The following KDM4B variants were observed in gnomAD, a reference collection of about 807,000 sequenced individuals.
KDM4B encodes lysine demethylase 4B, also known as lysine-specific demethylase 4B.
In KDM4B, 32 loss-of-function variants were observed where a neutral mutation model predicts 125.2. The observed-to-expected ratio is 0.26, with a 90% CI of 0.19 to 0.34. The LOEUF (loss-of-function observed/expected upper bound fraction) is 0.34, where lower values mean the gene tolerates loss of function less well. Among genes scored for constraint, KDM4B ranks in the 10% least tolerant of loss-of-function variants. KDM4B has a pLI of 1.00. For missense variants in KDM4B, 1,190 were observed against 1,577.7 expected (o/e 0.75, Z 4.16); for synonymous variants, 721 against 677.9 (o/e 1.06, Z -0.99).
Position 5,134,112 on chromosome 19 carries a change from G to C in KDM4B, c.2085+51G>C, listed in dbSNP as rs1462871437. 1.0e-5 allele frequency: 16 copies of C among 1,528,248 alleles called. No individual in the cohort carries two copies. In the Admixed American group the frequency reaches 2.2e-4, roughly 21 times the overall value. 94.7% of individuals were successfully genotyped at this position (1,528,248 alleles called of 1,614,324 possible). ...CAGAGAACCCCAGGCAGGGGCGGTG[G>C]GAGAGGGCGAGGGACCGGGCACCCC... On this transcript the variant is annotated intron_variant, in intron 14 of 22. Coordinates refer to ENST00000159111, the MANE Select transcript of KDM4B (RefSeq NM_015015.3).
chr19:5,090,370 CTCTCTCCCCCCATA>C (rs1280566210), intron 9 of KDM4B, among the ~76,000 whole-genome samples: 2 of 124,766 alleles, frequency 1.6e-5, no homozygotes, highest in Admixed American at 1.5e-4. Flanking sequence ...CTCCTCATCT[CTCTCTCCCCCCATA>C]TCTCTCCCCC....
intron 2 of KDM4B, among the ~76,000 whole-genome samples, chr19:5,020,771 CT>C (rs1205567166): frequency 1.3e-5 from 2 of 152,198 alleles, no homozygotes; most frequent in African/African-American, 4.8e-5. Context: ...GTAACTTTTC[CT>C]GACCTGTAAA....
intron 9 of KDM4B, among the ~76,000 whole-genome samples, chr19:5,101,648 G>A (rs1223368245): frequency 2.7e-5 from 4 of 147,998 alleles, no homozygotes; most frequent in African/African-American, 1.0e-4. Context: ...ACCCGGGGAG[G>A]TCTGGGTGGG....
At chr19:5,146,349 C>T (rs748016045) in intron 21 of KDM4B, among the ~76,000 whole-genome samples, 3 of 152,372 alleles carry the variant, frequency 2.0e-5, no homozygotes, top group Middle Eastern at 3.4e-3. Flanking sequence ...TCACCACTCT[C>T]GGACCTTGCA....
In KDM4B at chr19:5,146,760, C is replaced by G. The variant is rs28477551; in HGVS notation, c.3021+1858C>G. Reference sequence around the variant, plus strand: ...TGGGCAACAAAGTGAGACCCCCCCCCCCCCCACAATCTCTACAAAAAATTT... The same window carrying G: ...TGGGCAACAAAGTGAGACCCCCCCCGCCCCCACAATCTCTACAAAAAATTT... On this transcript the variant is annotated intron_variant, in intron 21 of 22. Coordinates refer to ENST00000159111, the MANE Select transcript of KDM4B (RefSeq NM_015015.3). Among the ~76,000 whole-genome samples, 3 of 102,522 alleles carry G rather than the reference C, an allele frequency of 2.9e-5. No homozygotes were observed. The Admixed American group carries it at 3.2e-4, about 11-fold the overall frequency. 67.3% of individuals were successfully genotyped at this position (102,522 alleles called of 152,430 possible). A position where few individuals can be genotyped will look rare whatever the true frequency, so the allele number is the denominator to read the frequency against.
intron 8 of KDM4B, among the ~76,000 whole-genome samples, chr19:5,080,186 T>C (rs1156350991): frequency 6.6e-6 from 1 of 152,216 alleles, no homozygotes; most frequent in East Asian, 1.9e-4. Context: ...AAGAAAAATA[T>C]CACAGTGTTC....
At chr19:5,111,523 C>G (rs772976480) in intron 10 of KDM4B, 7 of 764,876 alleles carry the variant, frequency 9.2e-6, no homozygotes, top group Non-Finnish European at 1.7e-5. Flanking sequence ...AGGAGGAGAT[C>G]CACTTCATGC....
rs1472841278 is a variant in KDM4B at position 5,035,270 on chromosome 19, C to T, written c.141+2239C>T. Among the ~76,000 whole-genome samples the T allele has an allele frequency of 6.6e-6, 1 of 152,154 alleles. No individual in the cohort carries two copies. Among genetic ancestry groups the T allele is most frequent in the Non-Finnish European group, 1.5e-5 (1 of 68,020 alleles). ...GCACCGCATCTGCCTCTGTCTCCTGCCCTTGACCTACTTCCACATTTCCCA... is the reference window on the plus strand; with the variant it reads ...GCACCGCATCTGCCTCTGTCTCCTGTCCTTGACCTACTTCCACATTTCCCA... On this transcript the variant is annotated intron_variant, in intron 3 of 22. Coordinates refer to ENST00000159111, the MANE Select transcript of KDM4B (RefSeq NM_015015.3). The surrounding 1 kb of genome is among the most constrained non-coding windows in gnomAD (Gnocchi z 5.3).
chr19:5,110,148 G>T (rs1267669723), intron 9 of KDM4B, among the ~76,000 whole-genome samples: 4 of 152,208 alleles, frequency 2.6e-5, no homozygotes, highest in African/African-American at 9.6e-5. Context: ...TCACAACTGG[G>T]GGATGCCGTT....
chr19:4,986,248 G>A (rs559957014), intron 1 of KDM4B, among the ~76,000 whole-genome samples: 1 of 152,342 alleles, frequency 6.6e-6, no homozygotes, highest in African/African-American at 2.4e-5. Context: ...TCGGGGCAGC[G>A]CTTGGTTTGG....
intron 1 of KDM4B, among the ~76,000 whole-genome samples, chr19:5,005,302 T>G (rs1568220888): frequency 6.6e-6 from 1 of 152,182 alleles, no homozygotes; most frequent in Non-Finnish European, 1.5e-5. Context: ...TTGAAAGATG[T>G]TACCAAACCG....
At chr19:5,143,727 G>C (rs1047954128) in intron 18 of KDM4B, among the ~76,000 whole-genome samples, 22 of 152,156 alleles carry the variant, frequency 1.4e-4, no homozygotes, top group Non-Finnish European at 1.2e-4. Flanking sequence ...TGACATGCAG[G>C]GGGGATGGGA....
intron 9 of KDM4B, among the ~76,000 whole-genome samples, chr19:5,102,088 C>A (rs968980096): frequency 6.6e-6 from 1 of 152,154 alleles, no homozygotes; most frequent in African/African-American, 2.4e-5. Context: ...TTCCAGGGGA[C>A]CCTGGGCCAT....
In KDM4B at chr19:4,997,350, C is replaced by T. The variant is rs1482911391; in HGVS notation, c.-108-18907C>T. On this transcript the variant is annotated intron_variant, in intron 1 of 22. Coordinates refer to ENST00000159111, the MANE Select transcript of KDM4B (RefSeq NM_015015.3). The surrounding 1 kb of genome is among the most constrained non-coding windows in gnomAD (Gnocchi z 4.2). ...GTGTCCCACTTAGAGAGGTTTCCCC[C>T]GCCCTAGGAGTCCAGGAGCGTCGGC... Among the ~76,000 whole-genome samples the T allele has an allele frequency of 6.6e-6, 1 of 152,088 alleles. No individual in the cohort carries two copies. The highest frequency in any genetic ancestry group is 1.5e-5 in the Non-Finnish European group (1 of 68,000).
intron 9 of KDM4B, among the ~76,000 whole-genome samples, chr19:5,084,686 C>T (rs1005363315): frequency 8.7e-5 from 13 of 149,602 alleles, no homozygotes; most frequent in Admixed American, 3.4e-4. Context: ...GATGGCTTCA[C>T]GCCTATAATC....
intron 14 of KDM4B, 100 bp from the exon 15 acceptor site, chr19:5,135,239 G>T (rs1344149418): frequency 4.1e-6 from 3 of 737,508 alleles, no homozygotes; most frequent in African/African-American, 3.5e-5. Flanking sequence ...GAGCCAGGGG[G>T]TGTCGAAGCC....
chr19:5,094,689 G>T (rs919375305), intron 9 of KDM4B, among the ~76,000 whole-genome samples: 5 of 152,098 alleles, frequency 3.3e-5, no homozygotes, highest in African/African-American at 4.8e-5. Flanking sequence ...TGCTGGGAGC[G>T]CACAGAGGGA....
intron 6 of KDM4B, among the ~76,000 whole-genome samples, chr19:5,054,777 C>G (rs1310789690): frequency 6.6e-6 from 1 of 152,194 alleles, no homozygotes; most frequent in East Asian, 1.9e-4. Context: ...CCAGGAGGGC[C>G]GGCACATGGG....
In KDM4B at chr19:5,142,361, G is replaced by A. The variant is rs1377242858; in HGVS notation, c.2551-1606G>A. On this transcript the variant is annotated intron_variant, in intron 18 of 22. Coordinates refer to ENST00000159111, the MANE Select transcript of KDM4B (RefSeq NM_015015.3). The surrounding 1 kb of genome is among the most constrained non-coding windows in gnomAD (Gnocchi z 5.4). ...CTGCCCGACCTCCTGTGGCCACAGC[G>A]CGTGGCGTGACTGGACCTCGCCTTA... is the stretch of plus-strand genomic sequence containing the variant. Among the ~76,000 whole-genome samples, 1 of 152,190 alleles carries A rather than the reference G, an allele frequency of 6.6e-6. No individual in the cohort carries two copies. Among genetic ancestry groups the A allele is most frequent in the Admixed American group, 6.5e-5 (1 of 15,290 alleles).
Sources: gnomAD v4.1 joint callset for allele counts (sites outside exome capture counted in the v4.1 genomes callset) on GRCh38, gnomAD v4.1.1 for gene constraint, Gnocchi (gnomAD v3.1) non-coding constraint, MANE v1.5 for transcripts, NCBI Gene and HGNC (gene_info 2026-07-23, HGNC 2026-07-21) for gene names.